Variants in LHFPL4 observed in about 807,000 individuals in gnomAD.
The protein encoded by LHFPL4 is LHFPL tetraspan subfamily member 4 protein.
In LHFPL4, 6 loss-of-function variants were observed where a neutral mutation model predicts 20.0. The observed-to-expected ratio is 0.30, with a 90% CI of 0.16 to 0.59. The LOEUF (loss-of-function observed/expected upper bound fraction) is 0.59. Among genes scored for constraint, LHFPL4 ranks in the 20% least tolerant of loss-of-function variants. LHFPL4 has a pLI of 0.88. For synonymous variants in LHFPL4, 129 were observed against 143.8 expected, an observed-to-expected ratio of 0.90 and a Z score of 0.74; for missense variants, 215 against 331.2, an observed-to-expected ratio of 0.65 and a Z score of 2.72.
intron 2 of LHFPL4, among the ~76,000 whole-genome samples, chr3:9,531,830 G>T (rs1389914122): frequency 6.8e-6 from 1 of 147,962 alleles, no homozygotes; most frequent in Non-Finnish European, 1.5e-5. Context: ...GAAAAGAAAA[G>T]ACTAAAAAAC....
Position 9,502,100 on chromosome 3 carries a change from G to A in LHFPL4, c.*111C>T. 1.3e-6 allele frequency: 1 copy of A among 783,126 alleles called. No individual in the cohort carries two copies. Among genetic ancestry groups the A allele is most frequent in the Non-Finnish European group, 2.2e-6 (1 of 452,852 alleles). 48.5% of individuals were successfully genotyped at this position (783,126 alleles called of 1,614,324 possible). On this transcript the variant is annotated 3_prime_UTR_variant, in exon 4 of 4. Coordinates refer to ENST00000287585, the MANE Select transcript of LHFPL4 (RefSeq NM_198560.3). Reference sequence around the variant, plus strand: ...CTGGAGCTTGCAGGGTAGTCGGTGAGAAGTAAGTCTGAGATCAGGGTCTTC... The same window carrying A: ...CTGGAGCTTGCAGGGTAGTCGGTGAAAAGTAAGTCTGAGATCAGGGTCTTC...
At chr3:9,547,773 C>T (rs1407501741) in intron 2 of LHFPL4, among the ~76,000 whole-genome samples, 1 of 139,540 alleles carries the variant, frequency 7.2e-6, no homozygotes, top group Non-Finnish European at 1.6e-5. Flanking sequence ...ACCAAGATCT[C>T]GGAGATTTTT....
intron 2 of LHFPL4, among the ~76,000 whole-genome samples, chr3:9,516,743 G>T (rs1307405938): frequency 6.6e-6 from 1 of 151,328 alleles, no homozygotes; most frequent in Admixed American, 6.6e-5. Context: ...CAAAGTGCTG[G>T]GATTACAGGC....
chr3:9,547,832 G>T (rs909263489), intron 2 of LHFPL4, among the ~76,000 whole-genome samples: 3 of 133,034 alleles, frequency 2.3e-5, no homozygotes, highest in Non-Finnish European at 3.4e-5. Context: ...TTGAGACAGG[G>T]TCTCACTCTG....
chr3:9,498,913 A>G lies in LHFPL4; in HGVS notation c.*3298T>C, dbSNP rs866459233. 1 of 152,536 alleles carries G rather than the reference A, an allele frequency of 6.6e-6. No individual in the cohort carries two copies. The highest frequency in any genetic ancestry group is 2.4e-5 in the African/African-American group (1 of 41,426). The allele number at this position is 152,536 out of a possible 1,614,324, so 9.4% of individuals were successfully genotyped here. ...TTTCCTTCATGGGTACCGGTCCCCA[A>G]AGACGAAAGTTTTCATAGCCCCGGT... On this transcript the variant is annotated 3_prime_UTR_variant, in exon 4 of 4. Transcript: ENST00000287585.
chr3:9,532,054 C>T (rs2046412732), intron 2 of LHFPL4, among the ~76,000 whole-genome samples: 2 of 152,116 alleles, frequency 1.3e-5, no homozygotes, highest in Admixed American at 1.3e-4. Flanking sequence ...GAGATGGAGT[C>T]TCACTCTGTC....
chr3:9,538,138 C>T (rs1014541171), intron 2 of LHFPL4, among the ~76,000 whole-genome samples: 10 of 152,136 alleles, frequency 6.6e-5, no homozygotes, highest in African/African-American at 2.4e-4. Flanking sequence ...TCTTTCTCCT[C>T]CTCTCCATCC....
chr3:9,526,110 T>A (rs569681832), intron 2 of LHFPL4, among the ~76,000 whole-genome samples: 24 of 152,330 alleles, frequency 1.6e-4, no homozygotes, highest in Admixed American at 1.4e-3. Context: ...TTGCTAGGTA[T>A]ATAAATAAGC....
intron 2 of LHFPL4, among the ~76,000 whole-genome samples, chr3:9,540,132 A>G (rs937608003): frequency 6.6e-6 from 1 of 152,224 alleles, no homozygotes; most frequent in African/African-American, 2.4e-5. Flanking sequence ...GTATTAGATT[A>G]TTTACATATA....
At position 9,502,034 on chromosome 3, in the gene LHFPL4, C is replaced by T. The variant is rs1575655576; in HGVS notation, c.*177G>A. The T allele has an allele frequency of 1.6e-6, 1 of 620,918 alleles. No individual in the cohort carries two copies. The highest frequency in any genetic ancestry group is 2.9e-6 in the Non-Finnish European group (1 of 342,742). 38.5% of individuals were successfully genotyped at this position (620,918 alleles called of 1,614,324 possible). A position where few individuals can be genotyped will look rare whatever the true frequency, so the allele number is the denominator to read the frequency against. Reference sequence around the variant, plus strand: ...CCTCCCAAGGTTTGGAGGGCCTCTCCTCTCCCCCAGGCCACATCCAGGCTT... The same window carrying T: ...CCTCCCAAGGTTTGGAGGGCCTCTCTTCTCCCCCAGGCCACATCCAGGCTT... On this transcript the variant is annotated 3_prime_UTR_variant, in exon 4 of 4. Coordinates refer to ENST00000287585, the MANE Select transcript of LHFPL4 (RefSeq NM_198560.3).
At chr3:9,531,464 G>C (rs532892262) in intron 2 of LHFPL4, among the ~76,000 whole-genome samples, 9 of 152,312 alleles carry the variant, frequency 5.9e-5, no homozygotes, top group African/African-American at 1.9e-4. Context: ...CTGAGAAGTA[G>C]CCTGGGGGAG....
At chr3:9,534,561 C>G (rs906475404) in intron 2 of LHFPL4, among the ~76,000 whole-genome samples, 1 of 152,172 alleles carries the variant, frequency 6.6e-6, no homozygotes, top group Non-Finnish European at 1.5e-5. Context: ...AACCTTGGCT[C>G]CTTCTAAAGA....
intron 2 of LHFPL4, among the ~76,000 whole-genome samples, chr3:9,528,475 T>C (rs2046388328): frequency 6.6e-6 from 1 of 152,160 alleles, no homozygotes. Context: ...TCTTTCTATT[T>C]TCGCCACACC....
chr3:9,548,967 C>T (rs562087631), intron 2 of LHFPL4, among the ~76,000 whole-genome samples: 31 of 152,258 alleles, frequency 2.0e-4, no homozygotes, highest in Non-Finnish European at 4.1e-4. Flanking sequence ...TTAAAATGAG[C>T]GAGCACAGAG....
At chr3:9,536,417 G>C (rs1348063870) in intron 2 of LHFPL4, among the ~76,000 whole-genome samples, 1 of 152,124 alleles carries the variant, frequency 6.6e-6, no homozygotes. Flanking sequence ...AGCCTGGGAG[G>C]TATCCTAGAT....
At chr3:9,547,179 G>A (rs372893336) in intron 2 of LHFPL4, among the ~76,000 whole-genome samples, 5 of 152,070 alleles carry the variant, frequency 3.3e-5, no homozygotes, top group African/African-American at 9.7e-5. Flanking sequence ...TGTAGAGATG[G>A]GGTCTCACTA....
intron 2 of LHFPL4, among the ~76,000 whole-genome samples, chr3:9,546,838 G>T (rs1370257243): frequency 6.6e-6 from 1 of 152,142 alleles, no homozygotes; most frequent in Non-Finnish European, 1.5e-5. Context: ...ACCACACTCA[G>T]CATTTTACTA....
rs1207953840 is a variant in LHFPL4, at chr3:9,508,367, A to G, written c.407-2164T>C. Among the ~76,000 whole-genome samples, 6 of 152,128 alleles carry G rather than the reference A, an allele frequency of 3.9e-5. No individual in the cohort carries two copies. In the East Asian group the frequency reaches 1.2e-3, roughly 29 times the overall value. On this transcript the variant is annotated intron_variant, in intron 2 of 3. Coordinates refer to ENST00000287585, the MANE Select transcript of LHFPL4 (RefSeq NM_198560.3). Reference sequence around the variant, plus strand: ...CTCCCCCCACCAATGCTCCTCCTCCAAGTCAATTATCCACTCCAGTGGAAC... The same window carrying G: ...CTCCCCCCACCAATGCTCCTCCTCCGAGTCAATTATCCACTCCAGTGGAAC...
intron 2 of LHFPL4, among the ~76,000 whole-genome samples, chr3:9,509,489 T>C (rs2046243316): frequency 6.6e-6 from 1 of 152,130 alleles, no homozygotes; most frequent in Admixed American, 6.5e-5. Flanking sequence ...CACTGTGCAG[T>C]GTGCCGGGGA....
Sources: allele counts gnomAD v4.1 joint callset (sites outside exome capture counted in the v4.1 genomes callset), GRCh38; gene constraint gnomAD v4.1.1; transcripts MANE v1.5; gene names NCBI Gene and HGNC (gene_info 2026-07-23, HGNC 2026-07-21).